The following TMEFF2 variants were observed in gnomAD, a reference collection of about 807,000 sequenced individuals.
TMEFF2 encodes tomoregulin-2.
TMEFF2 carries 28 observed loss-of-function variants against 53.8 expected under a neutral mutation model. That is an observed-to-expected ratio of 0.52 (90% CI 0.39 to 0.71). TMEFF2 has a LOEUF of 0.71. TMEFF2 is among the 30% of genes least tolerant of loss of function. The pLI is 0.00. For synonymous variants in TMEFF2, 162 were observed against 166.3 expected, an observed-to-expected ratio of 0.97 and a Z score of 0.20; for missense variants, 353 against 455.2, an observed-to-expected ratio of 0.78 and a Z score of 2.04.
At chr2:192,023,211 G>C (rs997813615) in intron 5 of TMEFF2, among the ~76,000 whole-genome samples, 1 of 152,102 alleles carries the variant, frequency 6.6e-6, no homozygotes, top group African/African-American at 2.4e-5. Context: ...ATCTAAAATG[G>C]CTGACCTTTG....
intron 4 of TMEFF2, among the ~76,000 whole-genome samples, chr2:192,128,936 T>C (rs1024193000): frequency 2.0e-5 from 3 of 152,190 alleles, no homozygotes; most frequent in Non-Finnish European, 2.9e-5. Flanking sequence ...GTGTGGCACA[T>C]GTGGTGCCTT....
chr2:191,980,319 G>C (rs1411646973), intron 7 of TMEFF2, among the ~76,000 whole-genome samples: 1 of 152,156 alleles, frequency 6.6e-6, no homozygotes, highest in African/African-American at 2.4e-5. Context: ...AGGTGTGAAG[G>C]GCAGGCCAGG....
chr2:192,025,565 C>A (rs1334080044), intron 5 of TMEFF2, among the ~76,000 whole-genome samples: 2 of 152,030 alleles, frequency 1.3e-5, no homozygotes, highest in Non-Finnish European at 2.9e-5. Flanking sequence ...TCTGCTTCAG[C>A]ATATTATCGT....
intron 7 of TMEFF2, among the ~76,000 whole-genome samples, chr2:191,996,909 G>A (rs1686235780): frequency 6.6e-6 from 1 of 151,510 alleles, no homozygotes. Context: ...GAGTACTTGT[G>A]GGTTCAGTAA....
chr2:192,001,289 T>A (rs1170466744), intron 5 of TMEFF2, among the ~76,000 whole-genome samples: 1 of 152,128 alleles, frequency 6.6e-6, no homozygotes, highest in Non-Finnish European at 1.5e-5. Context: ...AGATAAGATA[T>A]TAGGGCTTTG....
intron 4 of TMEFF2, among the ~76,000 whole-genome samples, chr2:192,164,941 T>G (rs1690723431): frequency 6.6e-6 from 1 of 150,972 alleles, no homozygotes; most frequent in Admixed American, 6.6e-5. Context: ...TAAAAGTTAT[T>G]AATACATACT....
At chr2:192,036,254 A>G (rs1269591812) in intron 5 of TMEFF2, 3 of 152,242 alleles carry the variant, frequency 2.0e-5, no homozygotes, top group African/African-American at 7.2e-5. Context: ...CCATATTTCC[A>G]GAAGTACCAA....
intron 8 of TMEFF2, among the ~76,000 whole-genome samples, chr2:191,954,402 T>G (rs1471428735): frequency 1.3e-5 from 2 of 152,196 alleles, no homozygotes; most frequent in African/African-American, 4.8e-5. Context: ...AGATAATTTG[T>G]TTTTGGTGAC....
At chr2:192,105,044 CT>C (rs559462765) in intron 4 of TMEFF2, among the ~76,000 whole-genome samples, 1 of 151,996 alleles carries the variant, frequency 6.6e-6, no homozygotes, top group South Asian at 2.1e-4. Context: ...GAAAAGGCTG[CT>C]TTTGAATTTT....
intron 5 of TMEFF2, among the ~76,000 whole-genome samples, chr2:192,027,155 A>G (rs899123647): frequency 6.6e-6 from 1 of 152,242 alleles, no homozygotes; most frequent in East Asian, 1.9e-4. Flanking sequence ...AGAAATCAGT[A>G]TATGTGGCTT....
chr2:192,045,733 G>A (rs562377857), intron 5 of TMEFF2, among the ~76,000 whole-genome samples: 3 of 152,258 alleles, frequency 2.0e-5, no homozygotes, highest in Non-Finnish European at 4.4e-5. Flanking sequence ...AACCAACACC[G>A]AGTCCCTAAT....
chr2:192,015,308 CT>C (rs34696715), intron 5 of TMEFF2, among the ~76,000 whole-genome samples: 769 of 76,212 alleles, frequency 0.01, 1 homozygote, highest in African/African-American at 0.037. Context: ...ATCACTGAAG[CT>C]TTTTTTTTTT....
In TMEFF2 at chr2:192,010,798, C is replaced by T. The variant is rs527236706; in HGVS notation, c.537-11590G>A. On this transcript the variant is annotated intron_variant, in intron 5 of 9. Coordinates refer to ENST00000272771, the MANE Select transcript of TMEFF2 (RefSeq NM_016192.4). ...AGCAGTAATAACTACTTACACCTGG[C>T]GGGTACAAAAAAGCTTTCACGGAGG... 3.2e-4 allele frequency among the ~76,000 whole-genome samples: 48 copies of T among 152,224 alleles called. No individual in the cohort carries two copies. In the South Asian group the frequency reaches 3.5e-3, roughly 11 times the overall value.
intron 2 of TMEFF2, among the ~76,000 whole-genome samples, chr2:192,188,821 G>A (rs1228755852): frequency 4.9e-5 from 7 of 143,342 alleles, no homozygotes; most frequent in South Asian, 4.6e-4. Flanking sequence ...CTTCCTCCCC[G>A]CTTTTCTATC....
At chr2:192,076,364 A>T (rs1043262832) in intron 4 of TMEFF2, among the ~76,000 whole-genome samples, 1 of 152,022 alleles carries the variant, frequency 6.6e-6, no homozygotes, top group African/African-American at 2.4e-5. Flanking sequence ...AATATTTGGG[A>T]GCATGCACCA....
chr2:191,956,076 T>TAG, intron 8 of TMEFF2, among the ~76,000 whole-genome samples, 179 bp downstream of exon 8: 1 of 63,660 alleles, frequency 1.6e-5, no homozygotes, highest in South Asian at 6.3e-4. Flanking sequence ...TATTTTTGTT[T>TAG]TTTTTTAGTG....
intron 4 of TMEFF2, among the ~76,000 whole-genome samples, chr2:192,082,622 TA>T (rs1480814834): frequency 3.3e-5 from 5 of 152,240 alleles, no homozygotes; most frequent in Non-Finnish European, 5.9e-5. Flanking sequence ...GTATGTTTGT[TA>T]ACTATGTTTA....
At chr2:192,076,393 CTTTA>C (rs1688433129) in intron 4 of TMEFF2, among the ~76,000 whole-genome samples, 2 of 152,052 alleles carry the variant, frequency 1.3e-5, no homozygotes, top group African/African-American at 2.4e-5. Context: ...TTCTCTAAAT[CTTTA>C]TTTACTTAAA....
At position 191,952,426 on chromosome 2, in the gene TMEFF2, G is replaced by T. The variant is rs528310920; in HGVS notation, c.1028+1253C>A. 5.3e-5 allele frequency among the ~76,000 whole-genome samples: 8 copies of T among 152,222 alleles called. No homozygotes were observed. The East Asian group carries it at 1.2e-3, about 22-fold the overall frequency. The stretch of plus-strand genomic sequence containing the variant: ...TTTTGTTTTTCATGTACTGATATTG[G>T]CTAGATATTAGAGTAATATGGCATA... On this transcript the variant is annotated intron_variant, in intron 9 of 9. Transcript: ENST00000272771.
Sources: allele counts gnomAD v4.1 joint callset (sites outside exome capture counted in the v4.1 genomes callset), GRCh38; gene constraint gnomAD v4.1.1; transcripts MANE v1.5; gene names NCBI Gene and HGNC (gene_info 2026-07-23, HGNC 2026-07-21).